RAB1A: variants seen among roughly 807,000 people sequenced by gnomAD.
The protein encoded by RAB1A is RAB1A, member RAS oncogene family, also known as ras-related protein Rab-1A.
In RAB1A, 2 loss-of-function variants were observed where a neutral mutation model predicts 26.0. The observed-to-expected ratio is 0.08, with a 90% CI of 0.03 to 0.24. The LOEUF (loss-of-function observed/expected upper bound fraction) is 0.24, where lower values mean the gene tolerates loss of function less well. Ranked by LOEUF, RAB1A falls within the 10% of genes least tolerant of loss-of-function variation. The pLI is 1.00. For synonymous variants in RAB1A, 84 were observed against 84.9 expected (o/e 0.99, Z 0.06); for missense variants, 100 against 247.0 (o/e 0.40, Z 3.99).
intron 2 of RAB1A, among the ~76,000 whole-genome samples, chr2:65,104,378 C>T (rs6741843): frequency 0.82 from 124,427 of 152,082 alleles, 51,003 homozygotes; most frequent in Non-Finnish European, 0.82. Context: ...GCTTTTTCTT[C>T]TTATTCTACT....
At chr2:65,111,233 A>C (rs1009524709) in intron 1 of RAB1A, among the ~76,000 whole-genome samples, 1 of 152,038 alleles carries the variant, frequency 6.6e-6, no homozygotes, top group Non-Finnish European at 1.5e-5. Context: ...GTGGTGGCAC[A>C]TGCCTGTAGT....
chr2:65,108,703 G>A (rs1328274155), intron 1 of RAB1A, among the ~76,000 whole-genome samples: 1 of 152,138 alleles, frequency 6.6e-6, no homozygotes, highest in African/African-American at 2.4e-5. Flanking sequence ...CTACTTGGGA[G>A]GCAAAGGCAG....
chr2:65,101,958 A>C (rs1271365144), intron 2 of RAB1A, among the ~76,000 whole-genome samples: 1 of 152,020 alleles, frequency 6.6e-6, no homozygotes. Context: ...CATGTTGGTC[A>C]GGCTGGTCTC....
chr2:65,111,018 A>G (rs1408400541), intron 1 of RAB1A, among the ~76,000 whole-genome samples: 4 of 152,188 alleles, frequency 2.6e-5, no homozygotes, highest in Admixed American at 2.6e-4. Context: ...AAATTAATGG[A>G]TAAAACTAAG....
chr2:65,088,561 C>A lies in RAB1A; in HGVS notation c.550G>T (p.Gly184Cys). ...ATTTTAACATTGGACTTCTCAGCAC[C>A]ACCAGCTGTTGCTCCGGGACCCATT... ...KRMGPGATAG[G>C]AEKSNVKIQS... is the part of the protein sequence containing the mutation. The change falls in exon 6 of 6, where the codon GGT (glycine) becomes TGT (cysteine). Residue 184 changes from glycine to cysteine, a missense_variant. Transcript: ENST00000409784. The A allele has an allele frequency of 1.9e-6, 3 of 1,613,668 alleles. No homozygotes were observed. The highest frequency in any genetic ancestry group is 2.5e-6 in the Non-Finnish European group (3 of 1,179,808).
intron 3 of RAB1A, 127 bp downstream of exon 3, chr2:65,097,844 C>T (rs1669327819): frequency 1.9e-6 from 1 of 526,188 alleles, no homozygotes. Context: ...ACCATTCTAT[C>T]TTAAGTACAT....
At chr2:65,103,299 C>CCAAAAAAAAAAAAAAA (rs1280376062) in intron 2 of RAB1A, among the ~76,000 whole-genome samples, 4 of 44,106 alleles carry the variant, frequency 9.1e-5, no homozygotes, top group African/African-American at 3.1e-4. Context: ...GAATCTGTCT[C>CCAAAAAAAAAAAAAAA]AAAAAAAAAA....
intron 3 of RAB1A, among the ~76,000 whole-genome samples, chr2:65,097,395 G>A (rs570118686): frequency 6.6e-6 from 1 of 152,280 alleles, no homozygotes; most frequent in East Asian, 1.9e-4. Context: ...TCGGTCACTT[G>A]GTTCTACCAG....
chr2:65,118,359 T>A (rs1669872174), intron 1 of RAB1A, among the ~76,000 whole-genome samples: 2 of 152,172 alleles, frequency 1.3e-5, no homozygotes, highest in African/African-American at 4.8e-5. Flanking sequence ...TTTCTTAATT[T>A]GTAAGCAGAG....
intron 2 of RAB1A, among the ~76,000 whole-genome samples, 168 bp downstream of exon 2, chr2:65,104,566 T>G (rs779723484): frequency 1.5e-4 from 23 of 152,214 alleles, no homozygotes; most frequent in Non-Finnish European, 8.8e-5. Context: ...TATTTTTCTA[T>G]TTAACAGTCC....
At chr2:65,096,384 TAAAGATGAAAGACAGAC>T (rs1409847529) in intron 3 of RAB1A, among the ~76,000 whole-genome samples, 1 of 152,122 alleles carries the variant, frequency 6.6e-6, no homozygotes, top group Admixed American at 6.6e-5. Context: ...AAATTCCTAT[TAAAGATGAAAGACAGAC>T]AAAGATGAAA....
intron 2 of RAB1A, among the ~76,000 whole-genome samples, chr2:65,098,532 A>ATT (rs34637428): frequency 6.6e-6 from 1 of 150,860 alleles, no homozygotes; most frequent in Non-Finnish European, 1.5e-5. Context: ...CCTAATTATG[A>ATT]TTTTTTTTTT....
rs1225352356 is a variant in RAB1A at position 65,088,524 on chromosome 2, G to A, written c.587C>T (p.Pro196Leu). Residue 196 changes from proline to leucine, a missense_variant, in exon 6 of 6, where the codon CCA becomes CTA. Transcript: ENST00000409784. ...EKSNVKIQST[P>L]VKQSGGGCC ...GCAACCTCCACCTGACTGCTTGACT[G>A]GAGTGCTCTGAATTTTAACATTGGA... 6.2e-7 allele frequency: 1 copy of A among 1,612,216 alleles called. No homozygotes were observed. The highest frequency in any genetic ancestry group is 8.5e-7 in the Non-Finnish European group (1 of 1,179,256).
chr2:65,121,926 A>G (rs1310885123), intron 1 of RAB1A, among the ~76,000 whole-genome samples: 1 of 152,184 alleles, frequency 6.6e-6, no homozygotes, highest in African/African-American at 2.4e-5. Context: ...TGGGAGACCA[A>G]GGCAGGCGGA....
intron 2 of RAB1A, 55 bp from the exon 3 acceptor site, chr2:65,098,121 G>A: frequency 9.9e-7 from 1 of 1,012,984 alleles, no homozygotes; most frequent in Non-Finnish European, 1.4e-6. Flanking sequence ...GCAGATGCAA[G>A]TCTAAGTGGA....
At position 65,087,991 on chromosome 2, in the gene RAB1A, CTATT is replaced by C. The variant is rs1295355911; in HGVS notation, c.*498_*501del. The C allele has an allele frequency of 6.5e-6, 1 of 153,150 alleles. No homozygotes were observed. The highest frequency in any genetic ancestry group is 1.5e-5 in the Non-Finnish European group (1 of 68,464). The allele number at this position is 153,150 out of a possible 1,614,324, so 9.5% of individuals were successfully genotyped here. A position where few individuals can be genotyped will look rare whatever the true frequency, so the allele number is the denominator to read the frequency against. On this transcript the variant is annotated 3_prime_UTR_variant, in exon 6 of 6. Transcript: ENST00000409784. ...AAATTATATGCAGAGTATGAAGAAA[CTATT>C]AATCAGATAGTGTAATCTTTCCATT...
chr2:65,092,856 C>T (rs529294047), intron 3 of RAB1A, among the ~76,000 whole-genome samples: 46 of 152,242 alleles, frequency 3.0e-4, no homozygotes, highest in Admixed American at 9.2e-4. Flanking sequence ...TGGATTATGA[C>T]GACGGTTTCC....
At chr2:65,101,906 C>T (rs1462434905) in intron 2 of RAB1A, among the ~76,000 whole-genome samples, 1 of 151,928 alleles carries the variant, frequency 6.6e-6, no homozygotes, top group East Asian at 1.9e-4. Flanking sequence ...TGCGCCACCA[C>T]ATCCGGCTAA....
chr2:65,098,760 G>A (rs1242976057), intron 2 of RAB1A, among the ~76,000 whole-genome samples: 1 of 151,276 alleles, frequency 6.6e-6, no homozygotes, highest in African/African-American at 2.4e-5. Flanking sequence ...AAAATATGTG[G>A]CCCTCTGTGT....
Sources: gnomAD v4.1 joint callset for allele counts (sites outside exome capture counted in the v4.1 genomes callset) on GRCh38, gnomAD v4.1.1 for gene constraint, MANE v1.5 for transcripts, NCBI Gene and HGNC (gene_info 2026-07-23, HGNC 2026-07-21) for gene names.